Variants in HS3ST5 observed in about 807,000 individuals in gnomAD.
HS3ST5 encodes the protein heparan sulfate-glucosamine 3-sulfotransferase 5, also known as heparan sulfate glucosamine 3-O-sulfotransferase 5.
HS3ST5 carries 10 observed loss-of-function variants against 25.4 expected under a neutral mutation model. The observed-to-expected ratio is 0.39, with a 90% CI of 0.24 to 0.67. The LOEUF (loss-of-function observed/expected upper bound fraction) is 0.67, where lower values mean the gene tolerates loss of function less well. HS3ST5 is among the 30% of genes least tolerant of loss of function. The pLI, the probability that HS3ST5 is intolerant of heterozygous loss-of-function variation, is 0.44. For synonymous variants in HS3ST5, 170 were observed against 162.4 expected (o/e 1.05, Z -0.36); for missense variants, 324 against 420.7 (o/e 0.77, Z 2.01).
chr6:114,135,041 T>C (rs1777525727), intron 3 of HS3ST5, among the ~76,000 whole-genome samples: 1 of 152,190 alleles, frequency 6.6e-6, no homozygotes, highest in Admixed American at 6.5e-5. Context: ...GTTTTCTCTA[T>C]AAATGACTTC....
intron 2 of HS3ST5, among the ~76,000 whole-genome samples, chr6:114,208,651 C>T (rs1342287331): frequency 3.3e-5 from 5 of 152,108 alleles, no homozygotes; most frequent in Admixed American, 2.0e-4. Context: ...GGTCCATAGA[C>T]TAATAAAAGC....
Position 114,215,397 on chromosome 6 carries a change from G to A in HS3ST5, c.-145+13188C>T, listed in dbSNP as rs534522841. Among the ~76,000 whole-genome samples the A allele has an allele frequency of 5.3e-5, 8 of 152,226 alleles. No individual in the cohort carries two copies. The East Asian group carries it at 1.5e-3, about 29-fold the overall frequency. ...TGCATGGGACCCCGAACCCTGGCTG[G>A]TTCCATTTCTGGTTCTCCCTACAAG... is the stretch of plus-strand genomic sequence containing the variant. On this transcript the variant is annotated intron_variant, in intron 2 of 4. Transcript: ENST00000312719.
intron 1 of HS3ST5, among the ~76,000 whole-genome samples, chr6:114,254,461 T>C (rs1013274226): frequency 6.6e-6 from 1 of 151,890 alleles, no homozygotes; most frequent in Non-Finnish European, 1.5e-5. Context: ...AGAAAGAGAG[T>C]TGAGTCTCTT....
At chr6:114,298,499 C>T (rs984266921) in intron 1 of HS3ST5, among the ~76,000 whole-genome samples, 2 of 152,156 alleles carry the variant, frequency 1.3e-5, no homozygotes, top group Admixed American at 6.5e-5. Flanking sequence ...TGTCATTATT[C>T]CAATGTCATA....
chr6:114,084,067 C>A, intron 3 of HS3ST5: 1 of 578,010 alleles, frequency 1.7e-6, no homozygotes, highest in Non-Finnish European at 3.0e-6. Flanking sequence ...CTCAGGTTCC[C>A]TGATCATATT....
At chr6:114,246,110 C>T (rs545821448) in intron 1 of HS3ST5, among the ~76,000 whole-genome samples, 1 of 152,302 alleles carries the variant, frequency 6.6e-6, no homozygotes, top group African/African-American at 2.4e-5. Context: ...ACCCAGGATA[C>T]AGCACTCTAC....
intron 2 of HS3ST5, among the ~76,000 whole-genome samples, chr6:114,187,773 A>G (rs1369545799): frequency 6.6e-6 from 1 of 152,338 alleles, no homozygotes; most frequent in African/African-American, 2.4e-5. Flanking sequence ...TAAATCTTTC[A>G]TGAAAGGAAG....
rs960393320 is a variant in HS3ST5, at chr6:114,146,372, T to C, written c.-33+21979A>G. 2.6e-5 allele frequency among the ~76,000 whole-genome samples: 4 copies of C among 152,218 alleles called. No homozygotes were observed. In the East Asian group the frequency reaches 5.8e-4, roughly 22 times the overall value. On this transcript the variant is annotated intron_variant, in intron 3 of 4. Transcript: ENST00000312719. Reference sequence around the variant, plus strand: ...GAGAGAATCATATCGTTAAAGAAAGTAGAAGTCTGGCCCATAAAGTCCTGT... The same window carrying C: ...GAGAGAATCATATCGTTAAAGAAAGCAGAAGTCTGGCCCATAAAGTCCTGT...
At chr6:114,333,751 T>TA (rs1337960739) in intron 1 of HS3ST5, among the ~76,000 whole-genome samples, 1 of 152,122 alleles carries the variant, frequency 6.6e-6, no homozygotes, top group Non-Finnish European at 1.5e-5. Flanking sequence ...GTTTACGTAT[T>TA]ACGGCTAATA....
chr6:114,112,975 C>T (rs1776338365), intron 3 of HS3ST5, among the ~76,000 whole-genome samples: 2 of 152,188 alleles, frequency 1.3e-5, no homozygotes, highest in African/African-American at 4.8e-5. Context: ...CTGGATCCCA[C>T]CCCTCTTGAC....
chr6:114,206,468 C>A (rs1334621766), intron 2 of HS3ST5, among the ~76,000 whole-genome samples: 2 of 152,100 alleles, frequency 1.3e-5, no homozygotes, highest in Non-Finnish European at 2.9e-5. Context: ...AAATTATAAT[C>A]ATTCACATGA....
rs150930343 is a variant in HS3ST5, at chr6:114,057,541, C to T, written c.757G>A (p.Val253Ile). The T allele has an allele frequency of 2.2e-5, 36 of 1,614,150 alleles. 1 individual carries two copies. In the African/African-American group the frequency reaches 4.3e-4, roughly 19 times the overall value. Residue 253 changes from valine to isoleucine, a missense_variant, in exon 5 of 5, where the codon GTC becomes ATC. Val to Ile is a conservative substitution (Grantham distance 29, BLOSUM62 3). Transcript: ENST00000312719. ...KYFPIEQFHV[V>I]DGDRLITEPL... is the part of the protein sequence containing the mutation. ...TCCGTGATGAGGCGATCTCCATCGA[C>T]GACATGAAATTGCTCAATTGGAAAG...
chr6:114,071,978 G>T (rs1355433646), intron 3 of HS3ST5, among the ~76,000 whole-genome samples: 2 of 152,154 alleles, frequency 1.3e-5, no homozygotes, highest in African/African-American at 4.8e-5. Flanking sequence ...GGGGCAGTGG[G>T]CATTCTTGTC....
At chr6:114,223,456 G>A (rs1237349296) in intron 2 of HS3ST5, among the ~76,000 whole-genome samples, 1 of 151,740 alleles carries the variant, frequency 6.6e-6, no homozygotes, top group Non-Finnish European at 1.5e-5. Flanking sequence ...TTAGGAGTCT[G>A]CAAAATGAAG....
At chr6:114,268,466 T>C (rs1773504465) in intron 1 of HS3ST5, among the ~76,000 whole-genome samples, 2 of 152,202 alleles carry the variant, frequency 1.3e-5, no homozygotes, top group South Asian at 2.1e-4. Context: ...ATCAATACTT[T>C]AAACCTGTTT....
intron 1 of HS3ST5, among the ~76,000 whole-genome samples, chr6:114,244,868 T>C (rs1323055): frequency 0.37 from 56,152 of 151,936 alleles, 10,388 homozygotes; most frequent in African/African-American, 0.41. Flanking sequence ...TCACCTTACA[T>C]TTGCTTCCAT....
chr6:114,264,249 T>C (rs1773306253), intron 1 of HS3ST5, among the ~76,000 whole-genome samples: 1 of 152,218 alleles, frequency 6.6e-6, no homozygotes, highest in East Asian at 1.9e-4. Flanking sequence ...CCTCTAGACC[T>C]TTGTTCTTAT....
Position 114,201,593 on chromosome 6 carries a change from A to G in HS3ST5, c.-145+26992T>C, listed in dbSNP as rs150148127. On this transcript the variant is annotated intron_variant, in intron 2 of 4. Transcript: ENST00000312719. ...ACTGCTCCCTCTGTGATATTCCCCCACATGGCTGCATTCCTCACGTTCTTC... is the reference window on the plus strand; with the variant it reads ...ACTGCTCCCTCTGTGATATTCCCCCGCATGGCTGCATTCCTCACGTTCTTC... Among the ~76,000 whole-genome samples the G allele has an allele frequency of 3.8e-3, 572 of 152,200 alleles. 3 individuals carry two copies. Among genetic ancestry groups the G allele is most frequent in the African/African-American group, 0.013 (541 of 41,538 alleles).
chr6:114,122,662 C>G (rs555622528), intron 3 of HS3ST5, among the ~76,000 whole-genome samples: 1 of 152,160 alleles, frequency 6.6e-6, no homozygotes, highest in Non-Finnish European at 1.5e-5. Flanking sequence ...CTTCTGTTAA[C>G]ATATGTTACA....
Sources: allele counts gnomAD v4.1 joint callset (sites outside exome capture counted in the v4.1 genomes callset), GRCh38; gene constraint gnomAD v4.1.1; transcripts MANE v1.5; gene names NCBI Gene and HGNC (gene_info 2026-07-23, HGNC 2026-07-21).